CACNA2D3: variants seen among roughly 807,000 people sequenced by gnomAD.
The protein encoded by CACNA2D3 is voltage-dependent calcium channel subunit alpha-2/delta-3.
A neutral mutation model predicts 160.6 loss-of-function variants in CACNA2D3; 60 were observed. The ratio of observed to expected loss-of-function variants is 0.37; its 90% confidence interval spans 0.30 to 0.46. The LOEUF is 0.46. Among genes scored for constraint, CACNA2D3 ranks in the 20% least tolerant of loss-of-function variants. The pLI is 1.00. For missense variants in CACNA2D3, 1,205 were observed against 1,365.0 expected (o/e 0.88, Z 1.85); for synonymous variants, 558 against 492.9 (o/e 1.13, Z -1.75).
In CACNA2D3 at chr3:54,822,798, T is replaced by C. The variant is rs1480552742; in HGVS notation, c.1398+5928T>C. On this transcript the variant is annotated intron_variant, in intron 14 of 37. Coordinates refer to ENST00000474759, the MANE Select transcript of CACNA2D3 (RefSeq NM_018398.3). ...TCTTTCTTTCTTTCTTTCCTTTCTT[T>C]CTTTCTTTCTTTCTTTCTTTCTTTC... Among the ~76,000 whole-genome samples the C allele has an allele frequency of 7.5e-3, 617 of 81,806 alleles. 16 individuals carry two copies. Among genetic ancestry groups the C allele is most frequent in the African/African-American group, 0.027 (513 of 19,328 alleles). 53.7% of individuals were successfully genotyped at this position (81,806 alleles called of 152,430 possible).
At chr3:54,174,899 T>G (rs1160419393) in intron 2 of CACNA2D3, among the ~76,000 whole-genome samples, 1 of 152,150 alleles carries the variant, frequency 6.6e-6, no homozygotes, top group Non-Finnish European at 1.5e-5. Context: ...AGTGGCAGTG[T>G]TGGTGGAGGC....
intron 35 of CACNA2D3, among the ~76,000 whole-genome samples, chr3:55,024,946 A>C (rs1703533572): frequency 6.6e-6 from 1 of 152,184 alleles, no homozygotes; most frequent in Non-Finnish European, 1.5e-5. Context: ...GGTAAATGCC[A>C]CTGGTTTTAT....
At chr3:54,575,297 G>T (rs959062647) in intron 8 of CACNA2D3, among the ~76,000 whole-genome samples, 1 of 152,040 alleles carries the variant, frequency 6.6e-6, no homozygotes, top group Non-Finnish European at 1.5e-5. Context: ...AATTCTATGG[G>T]TTTTTTTGGC....
intron 11 of CACNA2D3, among the ~76,000 whole-genome samples, chr3:54,743,023 A>C (rs1192390575): frequency 2.0e-5 from 3 of 152,244 alleles, no homozygotes; most frequent in Admixed American, 2.0e-4. Context: ...AAAAATAGAA[A>C]AGTATTGAAA....
chr3:54,498,651 G>T (rs1701241122), intron 4 of CACNA2D3, among the ~76,000 whole-genome samples: 1 of 151,518 alleles, frequency 6.6e-6, no homozygotes, highest in Non-Finnish European at 1.5e-5. Flanking sequence ...ACCTTGTTAA[G>T]GTAGAATCTT....
chr3:54,780,492 A>G (rs1443840033), intron 13 of CACNA2D3, among the ~76,000 whole-genome samples: 1 of 152,180 alleles, frequency 6.6e-6, no homozygotes, highest in Non-Finnish European at 1.5e-5. Context: ...TTTATGGGGA[A>G]GTGTGGAATG....
At chr3:54,926,884 A>G (rs921832544) in intron 27 of CACNA2D3, among the ~76,000 whole-genome samples, 10 of 152,238 alleles carry the variant, frequency 6.6e-5, no homozygotes, top group Non-Finnish European at 1.0e-4. Context: ...ATCTTCTCAC[A>G]GGGCTCAGAG....
chr3:54,828,407 G>A (rs1022365610), intron 14 of CACNA2D3, among the ~76,000 whole-genome samples: 2 of 152,154 alleles, frequency 1.3e-5, no homozygotes, highest in Non-Finnish European at 2.9e-5. Flanking sequence ...TTTCAGATAT[G>A]TTAATCAGTG....
chr3:54,191,568 C>T (rs1041301296), intron 2 of CACNA2D3, among the ~76,000 whole-genome samples: 7 of 152,036 alleles, frequency 4.6e-5, no homozygotes, highest in African/African-American at 7.3e-5. Flanking sequence ...CAAGTTGAAC[C>T]GACCGAGTAC....
intron 2 of CACNA2D3, 105 bp downstream of exon 2, chr3:54,123,699 G>A: frequency 2.2e-6 from 2 of 904,850 alleles, no homozygotes; most frequent in South Asian, 1.3e-5. Context: ...ATCAGTTATC[G>A]GAGGACTCTC....
intron 9 of CACNA2D3, among the ~76,000 whole-genome samples, chr3:54,618,711 C>T (rs1019454115): frequency 5.3e-5 from 8 of 152,130 alleles, no homozygotes; most frequent in Non-Finnish European, 1.2e-4. Flanking sequence ...ACACGCTGCT[C>T]CCCCAATCCT....
At chr3:54,743,373 G>A (rs1701690316) in intron 11 of CACNA2D3, among the ~76,000 whole-genome samples, 1 of 152,202 alleles carries the variant, frequency 6.6e-6, no homozygotes, top group Non-Finnish European at 1.5e-5. Context: ...GAGGTGAGGG[G>A]CACTCCAGGT....
intron 1 of CACNA2D3, among the ~76,000 whole-genome samples, chr3:54,123,127 C>T (rs1559853432): frequency 6.6e-6 from 1 of 151,246 alleles, no homozygotes; most frequent in Non-Finnish European, 1.5e-5. Context: ...AATTTCCCCC[C>T]TCTTTGCTCT....
intron 4 of CACNA2D3, among the ~76,000 whole-genome samples, chr3:54,445,797 G>C (rs1308115222): frequency 6.6e-6 from 1 of 152,148 alleles, no homozygotes; most frequent in Non-Finnish European, 1.5e-5. Context: ...GAGGGGATGG[G>C]CCAGCAGTTC....
chr3:54,960,087 A>C (rs1282705299), intron 27 of CACNA2D3, among the ~76,000 whole-genome samples: 1 of 152,158 alleles, frequency 6.6e-6, no homozygotes. Context: ...AAAAAAAAAA[A>C]AAAAACCAAA....
At chr3:54,315,414 G>C (rs544859041) in intron 2 of CACNA2D3, among the ~76,000 whole-genome samples, 1 of 152,248 alleles carries the variant, frequency 6.6e-6, no homozygotes, top group Admixed American at 6.5e-5. Context: ...TCCTGGTTTT[G>C]GTATTTGCCT....
At chr3:54,758,347 G>A (rs891941341) in intron 12 of CACNA2D3, among the ~76,000 whole-genome samples, 3 of 152,044 alleles carry the variant, frequency 2.0e-5, no homozygotes, top group African/African-American at 7.2e-5. Flanking sequence ...TGTGTCCCTT[G>A]ATCTGAGGCT....
chr3:54,918,549 G>A (rs1236279705), intron 27 of CACNA2D3: 1 of 1,613,840 alleles, frequency 6.2e-7, no homozygotes, highest in African/African-American at 1.3e-5. Flanking sequence ...ACTGGGCTGT[G>A]ATTGCCGCAT....
intron 27 of CACNA2D3, among the ~76,000 whole-genome samples, chr3:54,967,916 G>A (rs895232708): frequency 1.3e-5 from 2 of 152,170 alleles, no homozygotes; most frequent in African/African-American, 4.8e-5. Context: ...TTCCATGGGA[G>A]AGAAGAACCT....
Sources: gnomAD v4.1 joint callset for allele counts (sites outside exome capture counted in the v4.1 genomes callset) on GRCh38, gnomAD v4.1.1 for gene constraint, MANE v1.5 for transcripts, NCBI Gene and HGNC (gene_info 2026-07-23, HGNC 2026-07-21) for gene names.